ZNF469: variants seen among roughly 807,000 people sequenced by gnomAD.
ZNF469 encodes zinc finger protein 469.
In ZNF469, 1 loss-of-function variant was observed where a neutral mutation model predicts 1.0. That is an observed-to-expected ratio of 1.00 (90% CI 0.35 to 4.73). The LOEUF (loss-of-function observed/expected upper bound fraction) is 4.73, where lower values mean the gene tolerates loss of function less well. Ranked by LOEUF, ZNF469 falls within the 30% of genes most tolerant of loss-of-function variation. The pLI, the probability that ZNF469 is intolerant of heterozygous loss-of-function variation, is 0.16. For missense variants in ZNF469, 6,100 were observed against 5,356.3 expected (o/e 1.14, Z -4.33); for synonymous variants, 2,703 against 2,363.4 (o/e 1.14, Z -4.17).
At chr16:88,113,744 C>T in the ZNF469 span, among the ~76,000 whole-genome samples, 1 of 149,970 alleles carries the variant, frequency 6.7e-6, no homozygotes, top group African/African-American at 2.4e-5. Context: ...AGCTGTGAGG[C>T]GTGCGTCCCT....
the ZNF469 span, among the ~76,000 whole-genome samples, chr16:88,316,120 C>G: frequency 2.0e-5 from 3 of 152,246 alleles, no homozygotes; most frequent in Non-Finnish European, 4.4e-5. Context: ...TCACTACTCG[C>G]CAGTCTGAAA....
At chr16:88,148,987 C>T in the ZNF469 span, among the ~76,000 whole-genome samples, 3 of 152,294 alleles carry the variant, frequency 2.0e-5, no homozygotes, top group Non-Finnish European at 4.4e-5. Flanking sequence ...CACCATATCA[C>T]ATCCTCAAGG....
chr16:88,283,461 A>G, the ZNF469 span, among the ~76,000 whole-genome samples: 1 of 152,240 alleles, frequency 6.6e-6, no homozygotes. Flanking sequence ...TACATTTGTA[A>G]TAGCAGGAAG....
intron 2 of ZNF469, among the ~76,000 whole-genome samples, chr16:88,425,529 C>T (rs74636392): frequency 0.015 from 2,245 of 151,976 alleles, 29 homozygotes; most frequent in African/African-American, 0.035. Flanking sequence ...AGGAGGACCT[C>T]GCCTACACTG....
chr16:88,341,915 G>GT, the ZNF469 span, among the ~76,000 whole-genome samples: 1 of 152,220 alleles, frequency 6.6e-6, no homozygotes, highest in Non-Finnish European at 1.5e-5. Context: ...TGGGAAGGCC[G>GT]TGAGAAGGAG....
At chr16:88,423,223 ATAGG>A (rs1222073138) in intron 1 of ZNF469, among the ~76,000 whole-genome samples, 1 of 140,076 alleles carries the variant, frequency 7.1e-6, no homozygotes, top group Non-Finnish European at 1.6e-5. Context: ...GGATGGATGG[ATAGG>A]TGGGTGGATG....
chr16:88,379,808 C>G (rs560414851), upstream of ZNF469, among the ~76,000 whole-genome samples: 35 of 152,190 alleles, frequency 2.3e-4, no homozygotes, highest in Middle Eastern at 3.4e-3. Context: ...AGGTGTGCCG[C>G]GGGCCTTGGC....
At chr16:88,175,235 A>T in the ZNF469 span, among the ~76,000 whole-genome samples, 5 of 152,172 alleles carry the variant, frequency 3.3e-5, no homozygotes, top group African/African-American at 9.7e-5. Context: ...GGTAACTGGG[A>T]CTGTAACCTC....
At chr16:88,248,414 A>G in the ZNF469 span, among the ~76,000 whole-genome samples, 710 of 152,276 alleles carry the variant, frequency 4.7e-3, 9 homozygotes, top group African/African-American at 0.016. Flanking sequence ...AACACTCTCT[A>G]AAAATTCCCC....
the ZNF469 span, among the ~76,000 whole-genome samples, chr16:88,140,704 G>T: frequency 6.6e-6 from 1 of 152,210 alleles, no homozygotes; most frequent in Non-Finnish European, 1.5e-5. Context: ...AGCCGAGGTG[G>T]GTGGATCATT....
chr16:88,341,568 C>G, the ZNF469 span, among the ~76,000 whole-genome samples: 1 of 152,226 alleles, frequency 6.6e-6, no homozygotes, highest in Non-Finnish European at 1.5e-5. Flanking sequence ...AAGCAGGCAC[C>G]TGGGTTCCTA....
chr16:88,110,050 C>T, the ZNF469 span, among the ~76,000 whole-genome samples: 2 of 152,266 alleles, frequency 1.3e-5, no homozygotes, highest in Admixed American at 6.5e-5. Flanking sequence ...GCCTGGGCCT[C>T]ACCATTGGTG....
chr16:88,385,114 C>A (rs550253660), intron 1 of ZNF469, among the ~76,000 whole-genome samples: 1 of 152,208 alleles, frequency 6.6e-6, no homozygotes, highest in East Asian at 1.9e-4. Context: ...CATCCTGCCA[C>A]CTTCCCCTGG....
At chr16:88,110,285 C>T in the ZNF469 span, among the ~76,000 whole-genome samples, 2 of 152,210 alleles carry the variant, frequency 1.3e-5, no homozygotes, top group African/African-American at 2.4e-5. Context: ...GAGGCTGGGG[C>T]GGGCCCTGAG....
rs1205938441 is a variant in ZNF469, at chr16:88,438,431, A to G, written c.10961A>G (p.His3654Arg). The change falls in exon 3 of 3, where the codon CAC (histidine) becomes CGC (arginine). Residue 3654 changes from histidine to arginine, a missense_variant. By Grantham distance (29) the His-to-Arg change is conservative (BLOSUM62 0). Transcript: ENST00000565624. ...AAAGAGAAGGAGGTGTCCTCAAGCC[A>G]CATGGTGTCTGAGGGGGGGCCCCGA... ...LQKEKEVSSS[H>R]MVSEGGPRGA... 2 of 1,550,134 alleles carry G rather than the reference A, an allele frequency of 1.3e-6. No individual in the cohort carries two copies. The highest frequency in any genetic ancestry group is 3.9e-5 in the Admixed American group (2 of 51,014).
chr16:88,380,649 A>G (rs1447772270), upstream of ZNF469, among the ~76,000 whole-genome samples: 7 of 102,642 alleles, frequency 6.8e-5, no homozygotes, highest in African/African-American at 2.8e-4. Flanking sequence ...ATGCACTCAT[A>G]CACACACAGA....
chr16:88,400,758 A>G (rs1485522573), intron 1 of ZNF469, among the ~76,000 whole-genome samples: 6 of 152,034 alleles, frequency 3.9e-5, no homozygotes, highest in African/African-American at 7.3e-5. Context: ...CAAACAGTCT[A>G]TCTCTGGGCA....
chr16:88,143,372 C>T, the ZNF469 span, among the ~76,000 whole-genome samples: 8 of 151,950 alleles, frequency 5.3e-5, no homozygotes, highest in African/African-American at 1.9e-4. Flanking sequence ...GAGCGCCTAG[C>T]GGGGTGGGGT....
the ZNF469 span, among the ~76,000 whole-genome samples, chr16:88,314,802 ATCTCT>A: frequency 6.9e-6 from 1 of 144,768 alleles, no homozygotes; most frequent in South Asian, 2.4e-4. Flanking sequence ...GGTGTGGAAT[ATCTCT>A]GTGATTATGA....
Sources: allele counts gnomAD v4.1 joint callset (sites outside exome capture counted in the v4.1 genomes callset), GRCh38; gene constraint gnomAD v4.1.1; transcripts MANE v1.5; gene names NCBI Gene and HGNC (gene_info 2026-07-23, HGNC 2026-07-21).